The following UHRF2 variants were observed in gnomAD, a reference collection of about 807,000 sequenced individuals.
The protein encoded by UHRF2 is E3 ubiquitin-protein ligase UHRF2.
In UHRF2, 23 loss-of-function variants were observed where a neutral mutation model predicts 96.8. The observed-to-expected ratio is 0.24, with a 90% CI of 0.17 to 0.34. The LOEUF (loss-of-function observed/expected upper bound fraction) is 0.34, where lower values mean the gene tolerates loss of function less well. Among genes scored for constraint, UHRF2 ranks in the 10% least tolerant of loss-of-function variants. The pLI is 1.00. For missense variants in UHRF2, 685 were observed against 981.5 expected (o/e 0.70, Z 4.04); for synonymous variants, 385 against 332.6 (o/e 1.16, Z -1.72).
At chr9:6,443,722 C>T (rs1821326446) in intron 3 of UHRF2, among the ~76,000 whole-genome samples, 1 of 152,192 alleles carries the variant, frequency 6.6e-6, no homozygotes, top group Non-Finnish European at 1.5e-5. Context: ...ATAGGTTCAA[C>T]TGTTACTTTT....
intron 2 of UHRF2, among the ~76,000 whole-genome samples, chr9:6,429,287 G>A (rs144616269): frequency 6.6e-6 from 1 of 152,276 alleles, no homozygotes; most frequent in East Asian, 1.9e-4. Context: ...TGTATTTCAT[G>A]TCTGGACCTC....
At chr9:6,486,510 C>G (rs528128324) in intron 8 of UHRF2, among the ~76,000 whole-genome samples, 10 of 152,296 alleles carry the variant, frequency 6.6e-5, no homozygotes, top group African/African-American at 2.4e-4. Context: ...GCTGGAAGTT[C>G]CAATAGACAT....
chr9:6,413,396 C>T lies in UHRF2; in HGVS notation c.-95C>T, dbSNP rs1408928907. On this transcript the variant is annotated 5_prime_UTR_variant, in exon 1 of 16. Transcript: ENST00000276893. ...GCGCTCGCCCGCCTGCCGCTGAGGG[C>T]CCGAGCCGCAGGGAAAGCGGCGCGG... 10 of 1,223,136 alleles carry T rather than the reference C, an allele frequency of 8.2e-6. No homozygotes were observed. Among genetic ancestry groups the T allele is most frequent in the Admixed American group, 7.3e-5 (2 of 27,216 alleles). The allele number at this position is 1,223,136 out of a possible 1,614,324, so 75.8% of individuals were successfully genotyped here. A position where few individuals can be genotyped will look rare whatever the true frequency, so the allele number is the denominator to read the frequency against.
At chr9:6,434,650 A>G (rs1383003957) in intron 3 of UHRF2, among the ~76,000 whole-genome samples, 3 of 151,924 alleles carry the variant, frequency 2.0e-5, no homozygotes, top group Non-Finnish European at 2.9e-5. Flanking sequence ...TGTTGGCCAG[A>G]CTGGTCTCAA....
intron 4 of UHRF2, 146 bp from the exon 5 acceptor site, chr9:6,475,245 C>G (rs2130891405): frequency 4.8e-6 from 2 of 420,482 alleles, no homozygotes; most frequent in African/African-American, 2.0e-5. Context: ...CTATTGAAAA[C>G]AATAGTTCAG....
intron 2 of UHRF2, chr9:6,422,702 TG>T: frequency 3.6e-6 from 2 of 555,784 alleles, no homozygotes; most frequent in Non-Finnish European, 3.4e-6. Flanking sequence ...CTTGACCTGC[TG>T]GGGTCAAGTG....
chr9:6,469,722 GTGCATATATACGTGTATA>G (rs1823116246), intron 4 of UHRF2, among the ~76,000 whole-genome samples: 3 of 98,434 alleles, frequency 3.0e-5, no homozygotes, highest in East Asian at 3.0e-4. Context: ...ACACATATAT[GTGCATATATACGTGTATA>G]TATATACACG....
intron 8 of UHRF2, among the ~76,000 whole-genome samples, chr9:6,483,885 C>T (rs1442597025): frequency 6.6e-6 from 1 of 152,086 alleles, no homozygotes; most frequent in Non-Finnish European, 1.5e-5. Context: ...GACAGGGTTT[C>T]TCCATGTTGG....
chr9:6,477,714 C>G lies in UHRF2; in HGVS notation c.1066C>G (p.Pro356Ala). The G allele has an allele frequency of 6.2e-7, 1 of 1,614,058 alleles. No homozygotes were observed. Among genetic ancestry groups the G allele is most frequent in the Non-Finnish European group, 8.5e-7 (1 of 1,179,986 alleles). The change falls in exon 6 of 16, where the codon CCC (proline) becomes GCC (alanine). Residue 356 changes from proline to alanine, a missense_variant. Transcript: ENST00000276893. ...TCGTGTATGTGGTGGGAAACATGAA[C>G]CCAACATGCAGCTTCTGTGTGATGA... Reference protein sequence around the residue: ...SCRVCGGKHEPNMQLLCDECN... With the variant: ...SCRVCGGKHEANMQLLCDECN...
At chr9:6,466,640 TAC>T (rs1359970956) in intron 4 of UHRF2, among the ~76,000 whole-genome samples, 1 of 151,828 alleles carries the variant, frequency 6.6e-6, no homozygotes, top group African/African-American at 2.4e-5. Flanking sequence ...ATTTTTTTCA[TAC>T]TTAAGAAATT....
rs751428789 is a variant in UHRF2 at position 6,420,882 on chromosome 9, G to A, written c.154-30G>A. The A allele has an allele frequency of 5.9e-5, 91 of 1,544,158 alleles. No homozygotes were observed. The Admixed American group carries it at 6.2e-4, about 10-fold the overall frequency. On this transcript the variant is annotated intron_variant, in intron 1 of 15. Transcript: ENST00000276893. ...ATGTAGTAAGATACATTTTAGAGAAGCATTTCACTATTCTTTCTTTATTTT... is the reference window on the plus strand; with the variant it reads ...ATGTAGTAAGATACATTTTAGAGAAACATTTCACTATTCTTTCTTTATTTT...
chr9:6,473,875 A>G (rs1228372502), intron 4 of UHRF2, among the ~76,000 whole-genome samples: 5 of 152,234 alleles, frequency 3.3e-5, no homozygotes, highest in Non-Finnish European at 5.9e-5. Flanking sequence ...GAATGACAGA[A>G]AAAACTGTTT....
chr9:6,462,625 A>T (rs1483341895), intron 4 of UHRF2, among the ~76,000 whole-genome samples: 1 of 152,206 alleles, frequency 6.6e-6, no homozygotes, highest in Non-Finnish European at 1.5e-5. Flanking sequence ...TGCTATTAAA[A>T]AAAGATTTCC....
At chr9:6,446,029 G>A (rs1479480939) in intron 3 of UHRF2, among the ~76,000 whole-genome samples, 7 of 108,272 alleles carry the variant, frequency 6.5e-5, no homozygotes, top group African/African-American at 1.6e-4. Flanking sequence ...TCTCACTCCC[G>A]TCACCCAGGC....
chr9:6,468,429 G>C, intron 4 of UHRF2: 1 of 456,068 alleles, frequency 2.2e-6, no homozygotes, highest in Non-Finnish European at 4.4e-6. Flanking sequence ...TCATCTCTTT[G>C]AATGCACCAG....
chr9:6,453,507 T>G (rs1377789439), intron 3 of UHRF2, among the ~76,000 whole-genome samples: 1 of 152,210 alleles, frequency 6.6e-6, no homozygotes, highest in Non-Finnish European at 1.5e-5. Flanking sequence ...ACTGTGGAAT[T>G]AGAAAAGCAT....
At chr9:6,482,794 C>T (rs1314705372) in intron 8 of UHRF2, among the ~76,000 whole-genome samples, 1 of 152,094 alleles carries the variant, frequency 6.6e-6, no homozygotes, top group Non-Finnish European at 1.5e-5. Context: ...GACGAGGTTT[C>T]ACCGTGTTAG....
At position 6,413,426 on chromosome 9, in the gene UHRF2, G is replaced by T; in HGVS notation, c.-65G>T. The T allele has an allele frequency of 7.6e-7, 1 of 1,309,882 alleles. No individual in the cohort carries two copies. The highest frequency in any genetic ancestry group is 9.8e-7 in the Non-Finnish European group (1 of 1,016,908). 81.1% of individuals were successfully genotyped at this position (1,309,882 alleles called of 1,614,324 possible). ...GCCGCAGGGAAAGCGGCGCGGGCCG[G>T]GCGGGGCGCGGCGCCCAGAGCTCAG... On this transcript the variant is annotated 5_prime_UTR_variant, in exon 1 of 16. Transcript: ENST00000276893.
chr9:6,420,860 T>C, intron 1 of UHRF2, 52 bp from the exon 2 acceptor site: 1 of 1,446,174 alleles, frequency 6.9e-7, no homozygotes, highest in Non-Finnish European at 9.7e-7. Context: ...ACTAAAAATG[T>C]AGTAAGATAC....
Sources: allele counts gnomAD v4.1 joint callset (sites outside exome capture counted in the v4.1 genomes callset), GRCh38; gene constraint gnomAD v4.1.1; transcripts MANE v1.5; gene names NCBI Gene and HGNC (gene_info 2026-07-23, HGNC 2026-07-21).